SEPTIN11: variants seen among roughly 807,000 people sequenced by gnomAD.
SEPTIN11 encodes septin 11, also known as septin-11.
SEPTIN11 carries 25 observed loss-of-function variants against 51.4 expected under a neutral mutation model. The ratio of observed to expected loss-of-function variants is 0.49; its 90% CI spans 0.35 to 0.68. The LOEUF (loss-of-function observed/expected upper bound fraction) is 0.68. Among genes scored for constraint, SEPTIN11 ranks in the 30% least tolerant of loss-of-function variants. The probability of loss-of-function intolerance (pLI) is 0.00; values close to 1 mark genes in which losing one functional copy is unlikely to be tolerated. For missense variants in SEPTIN11, 381 were observed against 520.8 expected (o/e 0.73, Z 2.61); for synonymous variants, 174 against 184.1 (o/e 0.95, Z 0.44).
At chr4:76,955,927 G>T (rs540106253) in intron 1 of SEPTIN11, among the ~76,000 whole-genome samples, 5 of 152,134 alleles carry the variant, frequency 3.3e-5, no homozygotes, top group South Asian at 2.1e-4. Context: ...GGTGGGGCTG[G>T]GGGGGAAGAT....
At chr4:76,989,893 G>C (rs912011309) in intron 1 of SEPTIN11, among the ~76,000 whole-genome samples, 1 of 152,168 alleles carries the variant, frequency 6.6e-6, no homozygotes, top group Admixed American at 6.5e-5. Context: ...GTTTGTTCCT[G>C]CCGGTTGGTT....
In SEPTIN11 at chr4:76,963,190, GT is replaced by G. The variant is rs1560695414; in HGVS notation, c.27+13267del. On this transcript the variant is annotated intron_variant, in intron 1 of 9. Transcript: ENST00000264893. ...TTTCTTAAACTAGAGTCATTTCAGA[GT>G]TTTTTTGGTCTTTAAATATACTTTT... is the stretch of plus-strand genomic sequence containing the variant. Among the ~76,000 whole-genome samples the G allele has an allele frequency of 2.6e-5, 4 of 152,306 alleles. No individual in the cohort carries two copies. The East Asian group carries it at 7.7e-4, about 29-fold the overall frequency.
chr4:77,030,922 C>A lies in SEPTIN11; in HGVS notation c.1226C>A (p.Ala409Asp), dbSNP rs1726578512. The change falls in exon 9 of 10, where the codon GCC becomes GAC. Residue 409 changes from alanine to aspartate, a missense_variant. By Grantham distance (126) the Ala-to-Asp change is moderately radical. This residue lies in a region of SEPTIN11 where 197 missense variants were observed against 313.1 expected (regional missense o/e 0.63). Coordinates refer to ENST00000264893, the MANE Select transcript of SEPTIN11 (RefSeq NM_018243.4). ...KAAAQLLQSQ[A>D]QQSGAQQTKK... ...GCGGCTCAGTTACTACAGTCCCAGGCCCAGCAATCTGGGGCCCAGCAAACC... is the reference window on the plus strand; with the variant it reads ...GCGGCTCAGTTACTACAGTCCCAGGACCAGCAATCTGGGGCCCAGCAAACC... The A allele has an allele frequency of 6.2e-7, 1 of 1,610,248 alleles. No homozygotes were observed. The highest frequency in any genetic ancestry group is 8.5e-7 in the Non-Finnish European group (1 of 1,179,262).
chr4:77,006,104 G>A (rs1030324374), intron 3 of SEPTIN11, among the ~76,000 whole-genome samples: 1 of 151,994 alleles, frequency 6.6e-6, no homozygotes, highest in Admixed American at 6.6e-5. Context: ...TTCCTACCAG[G>A]AAAAGCAATC....
chr4:76,999,993 A>G (rs1724010260), intron 2 of SEPTIN11, among the ~76,000 whole-genome samples: 1 of 152,208 alleles, frequency 6.6e-6, no homozygotes, highest in East Asian at 1.9e-4. Context: ...GCCTTTTTTC[A>G]TAATTTTAAA....
At chr4:77,031,577 T>C (rs2109986511) in intron 9 of SEPTIN11, 1 of 152,356 alleles carries the variant, frequency 6.6e-6, no homozygotes, top group South Asian at 2.1e-4. Flanking sequence ...CTTAATGTCA[T>C]GTGCCAAAGG....
At chr4:76,970,009 A>C (rs1157578119) in intron 1 of SEPTIN11, among the ~76,000 whole-genome samples, 4 of 152,162 alleles carry the variant, frequency 2.6e-5, no homozygotes, top group Admixed American at 2.0e-4. Context: ...TGTTCCCTTC[A>C]GAATAAATAA....
intron 1 of SEPTIN11, among the ~76,000 whole-genome samples, chr4:76,983,635 T>C (rs181577695): frequency 1.0e-3 from 152 of 152,338 alleles, no homozygotes; most frequent in South Asian, 2.3e-3. Context: ...AGTAGAAAAC[T>C]AGCACATGCC....
intron 9 of SEPTIN11, 69 bp downstream of exon 9, chr4:77,031,039 TC>T: frequency 7.1e-7 from 1 of 1,417,314 alleles, no homozygotes; most frequent in South Asian, 1.3e-5. Flanking sequence ...TCTCTACTTT[TC>T]CCATTTACAG....
intron 4 of SEPTIN11, among the ~76,000 whole-genome samples, chr4:77,012,789 A>G (rs1049433860): frequency 1.3e-5 from 2 of 152,230 alleles, no homozygotes. Flanking sequence ...ACTGTCCTTT[A>G]AAGGGCTGGA....
chr4:76,966,337 A>G (rs976161059), intron 1 of SEPTIN11, among the ~76,000 whole-genome samples: 2 of 152,234 alleles, frequency 1.3e-5, no homozygotes, highest in African/African-American at 4.8e-5. Flanking sequence ...ATTTGGTCAA[A>G]TTAGTTATCC....
intron 4 of SEPTIN11, among the ~76,000 whole-genome samples, chr4:77,012,230 A>T (rs1372447864): frequency 6.6e-6 from 1 of 151,974 alleles, no homozygotes; most frequent in African/African-American, 2.4e-5. Flanking sequence ...AACTTTCTCT[A>T]AAAGGTGTTT....
At chr4:76,983,098 A>C (rs1722847769) in intron 1 of SEPTIN11, among the ~76,000 whole-genome samples, 1 of 152,158 alleles carries the variant, frequency 6.6e-6, no homozygotes, top group African/African-American at 2.4e-5. Context: ...CCTGGTGTAC[A>C]CGCTCTGCAT....
Position 77,037,620 on chromosome 4 carries a change from G to T in SEPTIN11, c.*3108G>T. ...CCACCTCTTTTTTGGGGATTGAGGGGCCTACATAACTAGCTGGCCTTACCC... is the reference window on the plus strand; with the variant it reads ...CCACCTCTTTTTTGGGGATTGAGGGTCCTACATAACTAGCTGGCCTTACCC... On this transcript the variant is annotated 3_prime_UTR_variant, in exon 10 of 10. Coordinates refer to ENST00000264893, the MANE Select transcript of SEPTIN11 (RefSeq NM_018243.4). The T allele has an allele frequency of 1.0e-6, 1 of 985,434 alleles. No homozygotes were observed. The highest frequency in any genetic ancestry group is 5.2e-4 in the Middle Eastern group (1 of 1,914). 61.0% of individuals were successfully genotyped at this position (985,434 alleles called of 1,614,324 possible).
chr4:76,989,470 G>A (rs1203957703), intron 1 of SEPTIN11, among the ~76,000 whole-genome samples: 3 of 152,204 alleles, frequency 2.0e-5, no homozygotes, highest in Non-Finnish European at 2.9e-5. Flanking sequence ...ATAAGGATCA[G>A]AGGCTACGGC....
At position 77,034,523 on chromosome 4, in the gene SEPTIN11, G is replaced by A. The variant is rs772125666; in HGVS notation, c.*11G>A. On this transcript the variant is annotated 3_prime_UTR_variant, in exon 10 of 10. Transcript: ENST00000264893. ...GCAAGCTTCACATAAAGCCTGGCAAGCCAAGGATGTTCCCGCATTCACCTG... is the reference window on the plus strand; with the variant it reads ...GCAAGCTTCACATAAAGCCTGGCAAACCAAGGATGTTCCCGCATTCACCTG... 3.4e-5 allele frequency: 53 copies of A among 1,568,366 alleles called. No homozygotes were observed. The highest frequency in any genetic ancestry group is 4.5e-5 in the Non-Finnish European group (52 of 1,161,226).
chr4:76,975,218 G>A (rs1722439829), intron 1 of SEPTIN11, among the ~76,000 whole-genome samples: 1 of 151,810 alleles, frequency 6.6e-6, no homozygotes, highest in African/African-American at 2.4e-5. Context: ...TCTCGTGTGT[G>A]TATCTCTAGG....
intron 9 of SEPTIN11, among the ~76,000 whole-genome samples, chr4:77,032,916 C>T (rs1464928220): frequency 6.6e-6 from 1 of 152,052 alleles, no homozygotes; most frequent in Non-Finnish European, 1.5e-5. Flanking sequence ...TATCCTGGGG[C>T]CTTACCAATG....
intron 1 of SEPTIN11, among the ~76,000 whole-genome samples, chr4:76,990,778 C>T (rs1373693283): frequency 6.6e-6 from 1 of 152,242 alleles, no homozygotes; most frequent in Non-Finnish European, 1.5e-5. Flanking sequence ...AAATCACCTA[C>T]TGGCATGTTT....
Sources: gnomAD v4.1 joint callset for allele counts (sites outside exome capture counted in the v4.1 genomes callset) on GRCh38, gnomAD v4.1.1 for gene constraint, gnomAD v4.1.1 regional missense constraint, MANE v1.5 for transcripts, NCBI Gene and HGNC (gene_info 2026-07-23, HGNC 2026-07-21) for gene names.